CSMD1: variants seen among roughly 807,000 people sequenced by gnomAD.
CSMD1 encodes the protein CUB and Sushi multiple domains 1, also known as CUB and sushi domain-containing protein 1.
A neutral mutation model predicts 417.5 loss-of-function variants in CSMD1; 213 were observed. That is an observed-to-expected ratio of 0.51 (90% CI 0.46 to 0.57). CSMD1 has a LOEUF of 0.57. Among genes scored for constraint, CSMD1 ranks in the 20% least tolerant of loss-of-function variants. CSMD1 has a pLI of 0.00. For missense variants in CSMD1, 6,923 were observed against 4,529.7 expected (o/e 1.53, Z -15.17); for synonymous variants, 2,862 against 1,736.8 (o/e 1.65, Z -16.11).
chr8:3,966,038 G>A (rs1042213631), intron 5 of CSMD1, among the ~76,000 whole-genome samples: 3 of 152,176 alleles, frequency 2.0e-5, no homozygotes, highest in African/African-American at 4.8e-5. Context: ...GAAGACACTG[G>A]TGAGAGAATG....
At chr8:3,080,566 G>C (rs868343597) in intron 49 of CSMD1, among the ~76,000 whole-genome samples, 1 of 152,154 alleles carries the variant, frequency 6.6e-6, no homozygotes. Flanking sequence ...AGCTAATTGC[G>C]AGCCATCAAG....
chr8:4,731,448 G>A (rs1321567033), intron 1 of CSMD1, among the ~76,000 whole-genome samples: 1 of 152,120 alleles, frequency 6.6e-6, no homozygotes, highest in Non-Finnish European at 1.5e-5. Context: ...TATAATTTAT[G>A]ATTTCAACTT....
At chr8:3,239,855 C>T (rs1326904791) in intron 26 of CSMD1, among the ~76,000 whole-genome samples, 1 of 151,996 alleles carries the variant, frequency 6.6e-6, no homozygotes, top group African/African-American at 2.4e-5. Context: ...TCATAGGGGT[C>T]AGGTGTGGTA....
At chr8:4,139,580 G>C (rs749532816) in intron 3 of CSMD1, among the ~76,000 whole-genome samples, 2 of 151,194 alleles carry the variant, frequency 1.3e-5, no homozygotes, top group African/African-American at 4.9e-5. Context: ...AGCTGCCTAT[G>C]GAACTGAGTG....
chr8:4,017,732 T>C (rs961840477), intron 4 of CSMD1, among the ~76,000 whole-genome samples: 1 of 152,174 alleles, frequency 6.6e-6, no homozygotes, highest in Non-Finnish European at 1.5e-5. Flanking sequence ...CGGCATTGTG[T>C]GTGCATGGTA....
Position 4,393,978 on chromosome 8 carries a change from A to G in CSMD1, c.415+25975T>C, listed in dbSNP as rs1053736268. Among the ~76,000 whole-genome samples the G allele has an allele frequency of 3.3e-5, 5 of 152,180 alleles. No individual in the cohort carries two copies. The South Asian group carries it at 1.0e-3, about 32-fold the overall frequency. On this transcript the variant is annotated intron_variant, in intron 3 of 69. Coordinates refer to ENST00000635120, the MANE Select transcript of CSMD1 (RefSeq NM_033225.6). ...TTAACGCAGAATATGCCATTTGCCA[A>G]TTTGCTACGTAATAGAGCAACACAT...
chr8:3,206,793 C>G (rs190526701), intron 30 of CSMD1, among the ~76,000 whole-genome samples: 1 of 152,126 alleles, frequency 6.6e-6, no homozygotes, highest in East Asian at 1.9e-4. Flanking sequence ...ATGAAAAACA[C>G]TGTACACAGA....
intron 15 of CSMD1, among the ~76,000 whole-genome samples, chr8:3,401,161 A>T (rs1812016764): frequency 6.6e-6 from 1 of 152,102 alleles, no homozygotes; most frequent in East Asian, 1.9e-4. Flanking sequence ...GTCATGTTTA[A>T]CCATCCAAAG....
chr8:4,371,702 A>G (rs1449680387), intron 3 of CSMD1, among the ~76,000 whole-genome samples: 1 of 152,150 alleles, frequency 6.6e-6, no homozygotes, highest in East Asian at 1.9e-4. Flanking sequence ...CTATATAATC[A>G]TTACTTTGTA....
At chr8:3,530,063 T>C (rs60684546) in intron 10 of CSMD1, among the ~76,000 whole-genome samples, 1,540 of 152,318 alleles carry the variant, frequency 0.01, 26 homozygotes, top group African/African-American at 0.035. Flanking sequence ...GCTCAGTCTA[T>C]GACCATTTTC....
intron 2 of CSMD1, among the ~76,000 whole-genome samples, chr8:4,554,421 A>C (rs918543809): frequency 6.6e-6 from 1 of 152,200 alleles, no homozygotes; most frequent in African/African-American, 2.4e-5. Context: ...ACAGGCGTGA[A>C]CAGGCCACCG....
intron 4 of CSMD1, among the ~76,000 whole-genome samples, chr8:4,000,918 G>A (rs1039872596): frequency 1.1e-4 from 16 of 151,948 alleles, no homozygotes; most frequent in South Asian, 2.1e-4. Flanking sequence ...CAAAGTCCAC[G>A]TTACCAAAAT....
intron 1 of CSMD1, among the ~76,000 whole-genome samples, chr8:4,646,870 A>T (rs1012033711): frequency 2.6e-5 from 4 of 152,208 alleles, no homozygotes; most frequent in African/African-American, 9.6e-5. Flanking sequence ...ACAGATATGG[A>T]GACCTGAATC....
chr8:3,485,048 A>G (rs1054933422), intron 11 of CSMD1, among the ~76,000 whole-genome samples: 13 of 152,194 alleles, frequency 8.5e-5, no homozygotes, highest in African/African-American at 2.9e-4. Flanking sequence ...AACTCAAGCA[A>G]TTACACTCCT....
intron 17 of CSMD1, 45 bp downstream of exon 17, chr8:3,396,149 C>A: frequency 6.7e-7 from 1 of 1,497,006 alleles, no homozygotes; most frequent in Non-Finnish European, 9.1e-7. Flanking sequence ...TTAGTTCTCC[C>A]ATGCATGCTG....
intron 1 of CSMD1, among the ~76,000 whole-genome samples, chr8:4,762,275 T>G (rs1343728313): frequency 6.6e-6 from 1 of 152,114 alleles, no homozygotes; most frequent in Non-Finnish European, 1.5e-5. Context: ...TTGTGTGGTT[T>G]ACGGGTAATT....
intron 23 of CSMD1, among the ~76,000 whole-genome samples, chr8:3,343,072 A>G (rs1013983459): frequency 6.6e-6 from 1 of 152,214 alleles, no homozygotes; most frequent in Non-Finnish European, 1.5e-5. Flanking sequence ...TTCAGGTCCA[A>G]CTATTTTGTT....
chr8:4,431,877 T>C (rs2128947513), intron 2 of CSMD1, among the ~76,000 whole-genome samples: 1 of 152,304 alleles, frequency 6.6e-6, no homozygotes, highest in East Asian at 1.9e-4. Flanking sequence ...AAATTTATTA[T>C]ATATACTATT....
At chr8:3,247,081 G>C (rs1356223693) in intron 26 of CSMD1, among the ~76,000 whole-genome samples, 1 of 152,152 alleles carries the variant, frequency 6.6e-6, no homozygotes, top group Non-Finnish European at 1.5e-5. Context: ...CTTCAAAACA[G>C]CACAAATATG....
Sources: allele counts gnomAD v4.1 joint callset (sites outside exome capture counted in the v4.1 genomes callset), GRCh38; gene constraint gnomAD v4.1.1; transcripts MANE v1.5; gene names NCBI Gene and HGNC (gene_info 2026-07-23, HGNC 2026-07-21).